Variants in PTPN14 observed in about 807,000 individuals in gnomAD.
PTPN14 encodes the protein tyrosine-protein phosphatase non-receptor type 14.
PTPN14 carries 53 observed loss-of-function variants against 126.8 expected under a neutral mutation model. The ratio of observed to expected loss-of-function variants is 0.42; its 90% CI spans 0.34 to 0.53. PTPN14 has a LOEUF of 0.53. Ranked by LOEUF, PTPN14 falls within the 20% of genes least tolerant of loss-of-function variation. The pLI is 0.08. For synonymous variants in PTPN14, 630 were observed against 599.3 expected (o/e 1.05, Z -0.75); for missense variants, 1,257 against 1,552.9 (o/e 0.81, Z 3.20).
At chr1:214,389,010 C>T (rs763854406) in intron 11 of PTPN14, among the ~76,000 whole-genome samples, 3 of 152,304 alleles carry the variant, frequency 2.0e-5, no homozygotes, top group South Asian at 2.1e-4. Flanking sequence ...TTCGGGCCTA[C>T]CAAAGAAAAG....
intron 17 of PTPN14, among the ~76,000 whole-genome samples, chr1:214,368,004 T>C (rs891307200): frequency 5.3e-5 from 8 of 152,124 alleles, no homozygotes; most frequent in Admixed American, 5.2e-4. Flanking sequence ...AAAGTACACA[T>C]ACACAGAAAT....
chr1:214,517,926 C>G (rs1655149328), intron 1 of PTPN14, among the ~76,000 whole-genome samples: 1 of 151,990 alleles, frequency 6.6e-6, no homozygotes, highest in Non-Finnish European at 1.5e-5. Context: ...GCCTGGGTGA[C>G]AGAGAGAGAC....
intron 1 of PTPN14, among the ~76,000 whole-genome samples, chr1:214,518,142 T>C (rs1429126349): frequency 1.3e-5 from 2 of 152,190 alleles, no homozygotes; most frequent in African/African-American, 4.8e-5. Flanking sequence ...CTGGGTACTG[T>C]ATCCGAAAAT....
At chr1:214,524,362 G>A (rs4074425) in intron 1 of PTPN14, among the ~76,000 whole-genome samples, 17,373 of 152,012 alleles carry the variant, frequency 0.11, 1,316 homozygotes, top group African/African-American at 0.21. Context: ...GGCAGTAAAA[G>A]TGAAGAGGGC....
intron 1 of PTPN14, among the ~76,000 whole-genome samples, chr1:214,490,408 T>C (rs536339572): frequency 6.6e-6 from 1 of 152,338 alleles, no homozygotes; most frequent in East Asian, 1.9e-4. Context: ...TAAAACTGTA[T>C]AGTTAAAAAT....
intron 1 of PTPN14, 78 bp from the exon 2 acceptor site, chr1:214,465,035 GCCCCCCC>G (rs1183571712): frequency 1.1e-5 from 3 of 279,876 alleles, no homozygotes; most frequent in South Asian, 9.0e-5. Context: ...ACACACAGAA[GCCCCCCC>G]CCCCCCCCAC....
intron 3 of PTPN14, among the ~76,000 whole-genome samples, chr1:214,420,306 AAC>A (rs1465580278): frequency 6.6e-6 from 1 of 152,212 alleles, no homozygotes; most frequent in Non-Finnish European, 1.5e-5. Context: ...CATATACCCA[AAC>A]ACAGACAAGA....
At chr1:214,402,365 C>T (rs546276319) in intron 6 of PTPN14, among the ~76,000 whole-genome samples, 52 of 138,246 alleles carry the variant, frequency 3.8e-4, no homozygotes, top group Non-Finnish European at 5.6e-4. Context: ...GCTTGAACCC[C>T]GGAGGTGGAG....
intron 1 of PTPN14, among the ~76,000 whole-genome samples, chr1:214,502,396 T>C (rs971752967): frequency 6.6e-6 from 1 of 152,232 alleles, no homozygotes; most frequent in Non-Finnish European, 1.5e-5. Context: ...TGTTTTCCTA[T>C]ATGCAAAATA....
chr1:214,547,245 G>A (rs1364485795), intron 1 of PTPN14, among the ~76,000 whole-genome samples: 1 of 152,136 alleles, frequency 6.6e-6, no homozygotes, highest in Admixed American at 6.5e-5. Context: ...AAAAGTCCAG[G>A]TCAGGCCTGC....
intron 1 of PTPN14, among the ~76,000 whole-genome samples, chr1:214,481,641 G>A (rs1218704820): frequency 2.0e-5 from 3 of 151,664 alleles, no homozygotes; most frequent in African/African-American, 7.3e-5. Context: ...CAAGAGTACT[G>A]CTGCTCTGAA....
intron 1 of PTPN14, among the ~76,000 whole-genome samples, chr1:214,499,783 T>A (rs1654635455): frequency 6.6e-6 from 1 of 152,128 alleles, no homozygotes; most frequent in South Asian, 2.1e-4. Context: ...TTCATTTTTT[T>A]TTAGATTGCC....
intron 5 of PTPN14, among the ~76,000 whole-genome samples, chr1:214,407,634 C>T (rs922842353): frequency 1.1e-4 from 17 of 152,206 alleles, no homozygotes; most frequent in Non-Finnish European, 2.1e-4. Context: ...TCCAGACTTA[C>T]CTATCCCAGT....
chr1:214,393,158 C>T (rs935733386), intron 10 of PTPN14, among the ~76,000 whole-genome samples: 3 of 152,186 alleles, frequency 2.0e-5, no homozygotes, highest in Admixed American at 6.5e-5. Flanking sequence ...AAAAAATACA[C>T]ACGGATTTGT....
At chr1:214,418,789 T>C (rs373833772) in intron 3 of PTPN14, among the ~76,000 whole-genome samples, 35 of 152,352 alleles carry the variant, frequency 2.3e-4, no homozygotes, top group African/African-American at 7.9e-4. Flanking sequence ...CTGTTTTTTC[T>C]CCTGGCAGCA....
At chr1:214,424,246 G>T (rs1426639044) in intron 3 of PTPN14, among the ~76,000 whole-genome samples, 1 of 151,018 alleles carries the variant, frequency 6.6e-6, no homozygotes, top group Non-Finnish European at 1.5e-5. Flanking sequence ...AGTGAGCCGA[G>T]ATTGCACCAC....
At chr1:214,413,990 A>G (rs1435079425) in intron 4 of PTPN14, among the ~76,000 whole-genome samples, 2 of 152,226 alleles carry the variant, frequency 1.3e-5, no homozygotes, top group Non-Finnish European at 2.9e-5. Context: ...AATATGGCCT[A>G]TCTTGCTTTC....
intron 1 of PTPN14, among the ~76,000 whole-genome samples, chr1:214,521,784 A>G (rs1247213077): frequency 6.6e-6 from 1 of 152,086 alleles, no homozygotes; most frequent in Non-Finnish European, 1.5e-5. Context: ...AAAAACAACT[A>G]AAGGTAGGAA....
intron 3 of PTPN14, among the ~76,000 whole-genome samples, chr1:214,426,819 A>T (rs1328047878): frequency 6.6e-6 from 1 of 152,224 alleles, no homozygotes; most frequent in Non-Finnish European, 1.5e-5. Context: ...AGCCCAGGGA[A>T]GATGCCAGTG....
Sources: allele counts gnomAD v4.1 joint callset (sites outside exome capture counted in the v4.1 genomes callset), GRCh38; gene constraint gnomAD v4.1.1; transcripts MANE v1.5; gene names NCBI Gene and HGNC (gene_info 2026-07-23, HGNC 2026-07-21).